KLHL29: variants seen among roughly 807,000 people sequenced by gnomAD.
The protein encoded by KLHL29 is kelch-like protein 29.
A neutral mutation model predicts 80.4 loss-of-function variants in KLHL29; 21 were observed. The observed-to-expected ratio is 0.26, with a 90% CI of 0.19 to 0.38. The LOEUF (loss-of-function observed/expected upper bound fraction) is 0.38. KLHL29 is among the 10% of genes least tolerant of loss of function. The pLI, the probability that KLHL29 is intolerant of heterozygous loss-of-function variation, is 1.00. For synonymous variants in KLHL29, 511 were observed against 526.8 expected, an observed-to-expected ratio of 0.97 and a Z score of 0.41; for missense variants, 867 against 1,223.9, an observed-to-expected ratio of 0.71 and a Z score of 4.35.
chr2:23,648,190 A>G (rs918628062), intron 5 of KLHL29, among the ~76,000 whole-genome samples: 4 of 151,930 alleles, frequency 2.6e-5, no homozygotes, highest in African/African-American at 4.8e-5. Context: ...CACCTCCACT[A>G]TATCCTGCCC....
intron 3 of KLHL29, among the ~76,000 whole-genome samples, chr2:23,609,782 G>C (rs1301238776): frequency 6.6e-6 from 1 of 152,194 alleles, no homozygotes; most frequent in Non-Finnish European, 1.5e-5. Context: ...CCGTGAGGTA[G>C]TGACTTATCC....
chr2:23,667,666 C>T (rs1232458441), intron 5 of KLHL29: 2 of 152,472 alleles, frequency 1.3e-5, no homozygotes, highest in Admixed American at 6.5e-5. Context: ...GACCCGGCTG[C>T]TCCTCCTGGC....
intron 2 of KLHL29, among the ~76,000 whole-genome samples, chr2:23,520,373 T>C (rs1666055408): frequency 6.6e-6 from 1 of 152,202 alleles, no homozygotes; most frequent in Admixed American, 6.5e-5. Flanking sequence ...GAAAGGAGCC[T>C]GAAGGGGCTT....
chr2:23,502,224 G>A (rs1481672407), intron 2 of KLHL29, among the ~76,000 whole-genome samples: 1 of 152,182 alleles, frequency 6.6e-6, no homozygotes, highest in African/African-American at 2.4e-5. Context: ...TGCTTTTTCC[G>A]GGATCGCTTG....
intron 3 of KLHL29, among the ~76,000 whole-genome samples, chr2:23,565,384 C>A (rs2103499203): frequency 6.6e-6 from 1 of 152,230 alleles, no homozygotes; most frequent in South Asian, 2.1e-4. Flanking sequence ...TCCTTTCTAA[C>A]CTCACCAAGA....
chr2:23,649,900 T>C (rs1362778941), intron 5 of KLHL29, among the ~76,000 whole-genome samples: 1 of 152,154 alleles, frequency 6.6e-6, no homozygotes, highest in Non-Finnish European at 1.5e-5. Context: ...AGGTTCCAGG[T>C]CAGTGACACA....
chr2:23,533,935 G>T (rs1019864188), intron 2 of KLHL29, among the ~76,000 whole-genome samples: 35 of 145,812 alleles, frequency 2.4e-4, no homozygotes, highest in African/African-American at 6.8e-4. Flanking sequence ...GGTGTCTGTT[G>T]TTTTTTTTTT....
chr2:23,426,459 C>T (rs1167456871), intron 1 of KLHL29, among the ~76,000 whole-genome samples: 1 of 152,222 alleles, frequency 6.6e-6, no homozygotes, highest in Non-Finnish European at 1.5e-5. Context: ...ATCAGCTTTT[C>T]CCCTCCAGTT....
intron 6 of KLHL29, chr2:23,689,278 C>T (rs984378425): frequency 3.3e-5 from 5 of 152,294 alleles, no homozygotes; most frequent in Admixed American, 6.5e-5. Flanking sequence ...CTCCTGTGGC[C>T]AGGGGTCCTC....
At chr2:23,490,906 A>G (rs1665081585) in intron 2 of KLHL29, among the ~76,000 whole-genome samples, 1 of 151,210 alleles carries the variant, frequency 6.6e-6, no homozygotes, top group Non-Finnish European at 1.5e-5. Context: ...GCTGGGCTGA[A>G]CCCTAGCCCT....
chr2:23,602,597 C>T (rs552892262), intron 3 of KLHL29, among the ~76,000 whole-genome samples: 7 of 149,332 alleles, frequency 4.7e-5, no homozygotes, highest in African/African-American at 1.7e-4. Flanking sequence ...CAGCTCCAGG[C>T]AGCTGCTCTA....
chr2:23,577,164 G>A (rs891662876), intron 3 of KLHL29, among the ~76,000 whole-genome samples: 1 of 152,190 alleles, frequency 6.6e-6, no homozygotes, highest in African/African-American at 2.4e-5. Flanking sequence ...TGAAAGACCA[G>A]TAGGAGCCAG....
chr2:23,591,056 A>G (rs928126341), intron 3 of KLHL29, among the ~76,000 whole-genome samples: 18 of 152,186 alleles, frequency 1.2e-4, no homozygotes, highest in Middle Eastern at 6.3e-3. Flanking sequence ...AAGCAGGAAA[A>G]GAAGTCCGAG....
chr2:23,554,330 G>A (rs752486392), intron 2 of KLHL29, among the ~76,000 whole-genome samples: 8 of 152,228 alleles, frequency 5.3e-5, no homozygotes, highest in Admixed American at 1.3e-4. Flanking sequence ...TTGGCAGCAC[G>A]TCTCCCCCAA....
chr2:23,485,477 C>G (rs1248432623), intron 2 of KLHL29, among the ~76,000 whole-genome samples: 2 of 152,312 alleles, frequency 1.3e-5, no homozygotes, highest in Admixed American at 6.5e-5. Context: ...AGGCCACCAC[C>G]CCTGGGGACA....
chr2:23,705,978 C>A (rs1193761319), intron 13 of KLHL29, among the ~76,000 whole-genome samples: 1 of 152,180 alleles, frequency 6.6e-6, no homozygotes, highest in Non-Finnish European at 1.5e-5. Flanking sequence ...CCGGCCCTTG[C>A]AATCCTGGGT....
chr2:23,398,986 G>A (rs1666524064), intron 1 of KLHL29, among the ~76,000 whole-genome samples: 1 of 152,206 alleles, frequency 6.6e-6, no homozygotes, highest in Non-Finnish European at 1.5e-5. Flanking sequence ...CTGAGTGGTT[G>A]GATGGCAAGC....
intron 2 of KLHL29, among the ~76,000 whole-genome samples, chr2:23,514,767 G>A (rs1190009815): frequency 6.6e-6 from 1 of 152,198 alleles, no homozygotes; most frequent in Non-Finnish European, 1.5e-5. Flanking sequence ...TCGAAGAAGA[G>A]GGTCTAGTTT....
chr2:23,565,661 A>G (rs996300031), intron 3 of KLHL29, among the ~76,000 whole-genome samples: 1 of 143,072 alleles, frequency 7.0e-6, no homozygotes, highest in South Asian at 2.5e-4. Context: ...ACTGCACTCC[A>G]GTGGATGGTG....
Sources: allele counts gnomAD v4.1 joint callset (sites outside exome capture counted in the v4.1 genomes callset), GRCh38; gene constraint gnomAD v4.1.1; transcripts MANE v1.5; gene names NCBI Gene and HGNC (gene_info 2026-07-23, HGNC 2026-07-21).